CEP350: variants seen among roughly 807,000 people sequenced by gnomAD.
The protein encoded by CEP350 is centrosomal protein 350.
A neutral mutation model predicts 331.8 loss-of-function variants in CEP350; 126 were observed. The observed-to-expected ratio is 0.38, with a 90% CI of 0.33 to 0.44. The LOEUF is 0.44. CEP350 is among the 20% of genes least tolerant of loss of function. CEP350 has a pLI of 1.00. For synonymous variants in CEP350, 1,200 were observed against 1,259.5 expected, an observed-to-expected ratio of 0.95 and a Z score of 1.00; for missense variants, 3,406 against 3,634.6, an observed-to-expected ratio of 0.94 and a Z score of 1.62.
At chr1:180,108,090 A>G (rs550241894) in intron 37 of CEP350, among the ~76,000 whole-genome samples, 20 of 152,150 alleles carry the variant, frequency 1.3e-4, no homozygotes, top group Non-Finnish European at 2.9e-4. Flanking sequence ...CTAAAGGCCA[A>G]AGAGAAATGG....
chr1:180,006,933 A>C (rs548387613), intron 8 of CEP350, among the ~76,000 whole-genome samples: 1 of 152,332 alleles, frequency 6.6e-6, no homozygotes, highest in Admixed American at 6.5e-5. Context: ...TGCAAAGGAC[A>C]TGAACTCATC....
intron 28 of CEP350, among the ~76,000 whole-genome samples, chr1:180,077,243 A>T (rs961416109): frequency 1.3e-5 from 2 of 152,192 alleles, no homozygotes; most frequent in Non-Finnish European, 2.9e-5. Context: ...TGATTAGAAA[A>T]ATATATTTTT....
rs1264339993 is a variant in CEP350, at chr1:180,022,644, T to A, written c.3236-54T>A. ...AATCTCCATGTATGGGATGCTTTTC[T>A]TACAGTTTCTTGATTTTCGTTTTTA... On this transcript the variant is annotated intron_variant, in intron 12 of 37. Transcript: ENST00000367607. 2.6e-6 allele frequency: 4 copies of A among 1,528,224 alleles called. No homozygotes were observed. In the East Asian group the frequency reaches 6.9e-5, roughly 27 times the overall value. The allele number at this position is 1,528,224 out of a possible 1,614,324, so 94.7% of individuals were successfully genotyped here. A position where few individuals can be genotyped will look rare whatever the true frequency, so the allele number is the denominator to read the frequency against.
intron 1 of CEP350, among the ~76,000 whole-genome samples, chr1:179,971,032 G>GTTTT (rs202043163): frequency 7.1e-6 from 1 of 140,146 alleles, no homozygotes; most frequent in East Asian, 2.0e-4. Context: ...GTTGTTGTTT[G>GTTTT]TTTTTTTTTT....
chr1:180,053,632 C>A, intron 23 of CEP350, 118 bp from the exon 24 acceptor site: 1 of 553,318 alleles, frequency 1.8e-6, no homozygotes, highest in East Asian at 2.7e-5. Context: ...TATACTCTTA[C>A]ATTGTTGGTG....
chr1:179,994,306 AT>A (rs1459905213), intron 5 of CEP350, among the ~76,000 whole-genome samples: 5 of 152,064 alleles, frequency 3.3e-5, no homozygotes, highest in African/African-American at 1.2e-4. Flanking sequence ...GCGTGTGCTA[AT>A]TTTAGAACTA....
At chr1:180,075,559 G>T (rs1659167045) in intron 28 of CEP350, among the ~76,000 whole-genome samples, 1 of 151,962 alleles carries the variant, frequency 6.6e-6, no homozygotes, top group Admixed American at 6.6e-5. Context: ...GACAGAGTGA[G>T]ACTCTGTCTC....
In CEP350 at chr1:180,093,978, G is replaced by C; in HGVS notation, c.7873G>C (p.Ala2625Pro). The C allele has an allele frequency of 6.2e-7, 1 of 1,613,814 alleles. No individual in the cohort carries two copies. The highest frequency in any genetic ancestry group is 8.5e-7 in the Non-Finnish European group (1 of 1,179,810). The change falls in exon 34 of 38, where the codon GCC becomes CCC. Residue 2625 changes from alanine to proline, a missense_variant. By Grantham distance (27) the Ala-to-Pro change is conservative (BLOSUM62 -1). This residue lies in a region of CEP350 where 1,415 missense variants were observed against 1,512.3 expected (regional missense o/e 0.94). Coordinates refer to ENST00000367607, the MANE Select transcript of CEP350 (RefSeq NM_014810.5). ...KSLPSVNDIEASVNRSRSLKI... is the reference protein window; with the variant it reads ...KSLPSVNDIEPSVNRSRSLKI... The stretch of plus-strand genomic sequence containing the variant: ...CCTACCTAGTGTGAATGATATAGAA[G>C]CCTCAGTTAATAGAAGTAGAAGCCT...
In CEP350 at chr1:179,996,889, C is replaced by T. The variant is rs775481894; in HGVS notation, c.732C>T (p.Ala244=). 6.2e-7 allele frequency: 1 copy of T among 1,613,902 alleles called. No individual in the cohort carries two copies. The highest frequency in any genetic ancestry group is 8.5e-7 in the Non-Finnish European group (1 of 1,179,852). The change falls in exon 6 of 38, where the codon GCC becomes GCT. Residue 244 remains alanine (A), a synonymous_variant. Transcript: ENST00000367607. ...TGAAGCTTTCTGTGAATAACATGGC[C>T]CATGATACTGATCCAAAAGCGTTAC... The part of the protein sequence containing the change: ...NNLKLSVNNM[A]HDTDPKALRL...
At chr1:180,073,662 A>G in intron 27 of CEP350, 2 of 374,850 alleles carry the variant, frequency 5.3e-6, no homozygotes, top group Non-Finnish European at 7.4e-6. Flanking sequence ...GCTTTAACTG[A>G]GTCACTTATA....
At position 180,096,133 on chromosome 1, in the gene CEP350, C is replaced by G. The variant is rs1490620218; in HGVS notation, c.9015C>G (p.Asn3005Lys). ...QPVWMKPCRINSSYFRRVKNP... is the reference protein window; with the variant it reads ...QPVWMKPCRIKSSYFRRVKNP... Reference sequence around the variant, plus strand: ...TCTGGATGAAGCCATGTAGAATCAACTCTAGTTATTTCCGACGAGTGAAAA... The same window carrying G: ...TCTGGATGAAGCCATGTAGAATCAAGTCTAGTTATTTCCGACGAGTGAAAA... Residue 3005 changes from asparagine to lysine, a missense_variant, in exon 36 of 38, where the codon AAC becomes AAG. By Grantham distance (94) the Asn-to-Lys change is moderately conservative. This residue lies in a region of CEP350 where 1,415 missense variants were observed against 1,512.3 expected (regional missense o/e 0.94). Coordinates refer to ENST00000367607, the MANE Select transcript of CEP350 (RefSeq NM_014810.5). 6.4e-7 allele frequency: 1 copy of G among 1,568,426 alleles called. No homozygotes were observed. The highest frequency in any genetic ancestry group is 1.3e-5 in the African/African-American group (1 of 74,152).
intron 1 of CEP350, among the ~76,000 whole-genome samples, chr1:179,959,944 CCTCACTT>C (rs1342092392): frequency 2.7e-5 from 4 of 147,284 alleles, no homozygotes; most frequent in Non-Finnish European, 4.6e-5. Flanking sequence ...TGAAGTAAAT[CCTCACTT>C]AATGTTGTCC....
At chr1:180,101,120 T>C (rs1660779467) in intron 37 of CEP350, among the ~76,000 whole-genome samples, 1 of 152,154 alleles carries the variant, frequency 6.6e-6, no homozygotes. Context: ...ATAGCTTGGG[T>C]GAGGGGAGTA....
intron 31 of CEP350, 27 bp downstream of exon 31, chr1:180,084,205 G>C: frequency 6.4e-7 from 1 of 1,558,452 alleles, no homozygotes; most frequent in Non-Finnish European, 8.7e-7. Context: ...AGGGGGTTTA[G>C]TATCAAGGCT....
At chr1:179,969,248 G>T in intron 1 of CEP350, 1 of 509,628 alleles carries the variant, frequency 2.0e-6, no homozygotes, top group Non-Finnish European at 3.8e-6. Context: ...CTTCTACAGA[G>T]ATCCTGAAGA....
Position 180,090,787 on chromosome 1 carries a change from G to A in CEP350, c.6499G>A (p.Glu2167Lys), listed in dbSNP as rs769070827. Residue 2167 changes from glutamate to lysine, a missense_variant, in exon 33 of 38, where the codon GAA (glutamate) becomes AAA (lysine). Transcript: ENST00000367607. Reference protein sequence around the residue: ...RSRGSLESIAEHVDASLSGSE... With the variant: ...RSRGSLESIAKHVDASLSGSE... Reference sequence around the variant, plus strand: ...CAGAGGATCCCTGGAGTCTATTGCTGAACATGTTGGTATGTAACTAGAAAA... The same window carrying A: ...CAGAGGATCCCTGGAGTCTATTGCTAAACATGTTGGTATGTAACTAGAAAA... The A allele has an allele frequency of 6.5e-7, 1 of 1,540,428 alleles. No homozygotes were observed. Among genetic ancestry groups the A allele is most frequent in the South Asian group, 1.2e-5 (1 of 82,082 alleles).
intron 37 of CEP350, among the ~76,000 whole-genome samples, chr1:180,103,473 C>A (rs1660944981): frequency 6.6e-6 from 1 of 152,020 alleles, no homozygotes; most frequent in Non-Finnish European, 1.5e-5. Context: ...TAAGTAATTT[C>A]TTTTTTAACT....
chr1:180,025,184 A>G (rs1655590196), intron 14 of CEP350, among the ~76,000 whole-genome samples: 1 of 152,208 alleles, frequency 6.6e-6, no homozygotes, highest in Admixed American at 6.5e-5. Context: ...TTGGCCTCCC[A>G]AAGTGCTGGG....
rs1215974008 is a variant in CEP350 at position 180,111,074 on chromosome 1, C to T, written c.9267C>T (p.Ala3089=). Residue 3089 remains alanine (A), a synonymous_variant, in exon 38 of 38, where the codon GCC becomes GCT. Coordinates refer to ENST00000367607, the MANE Select transcript of CEP350 (RefSeq NM_014810.5). ...AGTTGTGTGTGAAAATGCAGCTAGC[C>T]GACGGGATCTTTGAGACCCTGATCA... The part of the protein sequence containing the change: ...EDELCVKMQL[A]DGIFETLIKD... The T allele has an allele frequency of 8.1e-6, 13 of 1,613,850 alleles. No homozygotes were observed. The highest frequency in any genetic ancestry group is 1.3e-5 in the African/African-American group (1 of 74,966).
Sources: gnomAD v4.1 joint callset for allele counts (sites outside exome capture counted in the v4.1 genomes callset) on GRCh38, gnomAD v4.1.1 for gene constraint, gnomAD v4.1.1 regional missense constraint, MANE v1.5 for transcripts, NCBI Gene and HGNC (gene_info 2026-07-23, HGNC 2026-07-21) for gene names.